The following SHC2 variants were observed in gnomAD, a reference collection of about 807,000 sequenced individuals.
The protein encoded by SHC2 is SHC adaptor protein 2.
In SHC2, 62 loss-of-function variants were observed where a neutral mutation model predicts 60.6. That is an observed-to-expected ratio of 1.02 (90% CI 0.83 to 1.26). The LOEUF is 1.26. Among genes scored for constraint, SHC2 ranks in the 50% most tolerant of loss-of-function variants. SHC2 has a pLI of 0.00. For missense variants in SHC2, 873 were observed against 822.2 expected (o/e 1.06, Z -0.76); for synonymous variants, 375 against 372.4 (o/e 1.01, Z -0.08).
In SHC2 at chr19:438,783, C is replaced by CA; in HGVS notation, c.654_655insT (p.Gly219TrpfsTer11). The CA allele has an allele frequency of 1.3e-6, 2 of 1,576,220 alleles. No individual in the cohort carries two copies. The highest frequency in any genetic ancestry group is 1.7e-6 in the Non-Finnish European group (2 of 1,162,322). ...GAGATGTGGATGGAGATGCTCATGC[C>CA]GGCAAAGCGAAGGTTGCTCTTGCCC... On this transcript the variant is annotated frameshift_variant, in exon 4 of 13. Transcript: ENST00000264554. LOFTEE classifies it high-confidence loss of function. This position sits in a 1 kb window ranked among gnomAD's most constrained non-coding sequence, Gnocchi z 5.0.
In SHC2 at chr19:428,210, G is replaced by A. The variant is rs545134498; in HGVS notation, c.1174+2474C>T. On this transcript the variant is annotated intron_variant, in intron 9 of 12. Transcript: ENST00000264554. Reference sequence around the variant, plus strand: ...ACTGCCCTCCAACCTGGGCGACAAAGCAAGACGTCTCAAAAACAAAAAGCC... The same window carrying A: ...ACTGCCCTCCAACCTGGGCGACAAAACAAGACGTCTCAAAAACAAAAAGCC... Among the ~76,000 whole-genome samples, 4 of 152,330 alleles carry A rather than the reference G, an allele frequency of 2.6e-5. No individual in the cohort carries two copies. The South Asian group carries it at 6.2e-4, about 24-fold the overall frequency.
intron 9 of SHC2, among the ~76,000 whole-genome samples, chr19:427,822 A>T (rs1263944047): frequency 3.9e-5 from 4 of 102,544 alleles, no homozygotes; most frequent in South Asian, 9.4e-4. Flanking sequence ...AGGGGGCGGC[A>T]CAGGGAAGGG....
Position 440,731 on chromosome 19 carries a change from G to A in SHC2, c.539+131C>T. The A allele has an allele frequency of 1.3e-6, 1 of 748,998 alleles. No homozygotes were observed. The highest frequency in any genetic ancestry group is 2.3e-6 in the Non-Finnish European group (1 of 431,570). 46.4% of individuals were successfully genotyped at this position (748,998 alleles called of 1,614,324 possible). A position where few individuals can be genotyped will look rare whatever the true frequency, so the allele number is the denominator to read the frequency against. ...ACGTGGCGTGAAGTGGGAGGGAGGT[G>A]GGGGGCACCGAGGCTGCGTCCTGGG... On this transcript the variant is annotated intron_variant, in intron 2 of 12. Coordinates refer to ENST00000264554, the MANE Select transcript of SHC2 (RefSeq NM_012435.3). This position sits in a 1 kb window ranked among gnomAD's most constrained non-coding sequence, Gnocchi z 7.0.
Position 425,795 on chromosome 19 carries a change from G to A in SHC2, c.1175-564C>T, listed in dbSNP as rs988932975. ...TGTAATCCCAGCACTTTGGGAGGCC[G>A]AGGTGGGTGAATCATTTGAGGTCAG... On this transcript the variant is annotated intron_variant, in intron 9 of 12. Transcript: ENST00000264554. This position sits in a 1 kb window ranked among gnomAD's most constrained non-coding sequence, Gnocchi z 4.1. Among the ~76,000 whole-genome samples, 1 of 152,106 alleles carries A rather than the reference G, an allele frequency of 6.6e-6. No individual in the cohort carries two copies. The highest frequency in any genetic ancestry group is 1.5e-5 in the Non-Finnish European group (1 of 68,000).
rs1459228936 is a variant in SHC2, at chr19:422,358, TA to T, written c.1407del (p.Thr470ProfsTer23). The T allele has an allele frequency of 6.9e-6, 11 of 1,604,246 alleles. No homozygotes were observed. The highest frequency in any genetic ancestry group is 7.7e-6 in the Non-Finnish European group (9 of 1,176,342). On this transcript the variant is annotated frameshift_variant, in exon 11 of 13. Transcript: ENST00000264554. LOFTEE classifies it high-confidence loss of function. This position sits in a 1 kb window ranked among gnomAD's most constrained non-coding sequence, Gnocchi z 5.0. ...GTGGGGGCCACAGGGGCCCGGCGGG[TA>T]GGGGGGCTGGGCCACTGGTCCTCCA... is the stretch of plus-strand genomic sequence containing the variant. ...LPLEDQWPSP[P>X]TRRAPVAPTE... is the part of the protein sequence containing the mutation.
chr19:440,991 C>A lies in SHC2; in HGVS notation c.469-59G>T, dbSNP rs1039381926. The A allele has an allele frequency of 3.2e-5, 50 of 1,565,752 alleles. No homozygotes were observed. The highest frequency in any genetic ancestry group is 4.0e-5 in the Non-Finnish European group (45 of 1,138,180). ...GAACCCCCGCAGTGGAGCCACGTCC[C>A]TTTTCCCAGCAGCCCTTCGCCGCCT... is the stretch of plus-strand genomic sequence containing the variant. On this transcript the variant is annotated intron_variant, in intron 1 of 12. Coordinates refer to ENST00000264554, the MANE Select transcript of SHC2 (RefSeq NM_012435.3). This position sits in a 1 kb window ranked among gnomAD's most constrained non-coding sequence, Gnocchi z 7.0.
At chr19:434,252 A>C (rs202182696) in intron 8 of SHC2, among the ~76,000 whole-genome samples, 7 of 3,004 alleles carry the variant, frequency 2.3e-3, no homozygotes, top group Non-Finnish European at 4.3e-3. Flanking sequence ...GAGTGAGATC[A>C]TGAGTGAGTG....
chr19:458,237 G>C (rs1167219848), intron 1 of SHC2, among the ~76,000 whole-genome samples: 11 of 116,006 alleles, frequency 9.5e-5, no homozygotes, highest in South Asian at 5.6e-4. Context: ...CCGGCGGAGG[G>C]GGAAGTGGGT....
In SHC2 at chr19:438,467, C is replaced by T. The variant is rs923205352; in HGVS notation, c.720+251G>A. Among the ~76,000 whole-genome samples, 15 of 152,150 alleles carry T rather than the reference C, an allele frequency of 9.9e-5. No individual in the cohort carries two copies. Among genetic ancestry groups the T allele is most frequent in the East Asian group, 1.9e-4 (1 of 5,198 alleles). On this transcript the variant is annotated intron_variant, in intron 4 of 12. Coordinates refer to ENST00000264554, the MANE Select transcript of SHC2 (RefSeq NM_012435.3). This position sits in a 1 kb window ranked among gnomAD's most constrained non-coding sequence, Gnocchi z 5.0. ...CTGGCCCCTGCAGGGTGCTGAGCAG[C>T]GTCCCTGCCCCCACCCACTCCATGC...
chr19:430,674 C>A lies in SHC2; in HGVS notation c.1174+10G>T. The A allele has an allele frequency of 1.2e-6, 2 of 1,611,974 alleles. No individual in the cohort carries two copies. The highest frequency in any genetic ancestry group is 8.5e-7 in the Non-Finnish European group (1 of 1,179,282). ...TCGTGGGTACCCCTTGCAGCCCCAG[C>A]CCATCCTACCTGTACCGGTGGACCC... On this transcript the variant is annotated intron_variant, in intron 9 of 12. Coordinates refer to ENST00000264554, the MANE Select transcript of SHC2 (RefSeq NM_012435.3).
Position 434,839 on chromosome 19 carries a change from C to G in SHC2, c.980G>C (p.Trp327Ser). The change falls in exon 8 of 13, where the codon TGG becomes TCG. Residue 327 changes from tryptophan (W) to serine (S), a missense_variant. Transcript: ENST00000264554. ...CTCCAAAGAGTCCTCCTCGTCCCCC[C>G]AGGCCGACTCCTCCGGCCCTGCCAG... is the stretch of plus-strand genomic sequence containing the variant. Reference protein sequence around the residue: ...ERLAGPEESAWGDEEDSLEHN... With the variant: ...ERLAGPEESASGDEEDSLEHN... 6.2e-7 allele frequency: 1 copy of G among 1,611,986 alleles called. No individual in the cohort carries two copies.
rs761359092 is a variant in SHC2, at chr19:436,296, G to A, written c.827-5C>T. The A allele has an allele frequency of 1.4e-5, 22 of 1,588,200 alleles. No individual in the cohort carries two copies. Among genetic ancestry groups the A allele is most frequent in the Admixed American group, 5.4e-5 (3 of 55,900 alleles). ...AGCACTCCAGGATGTGGCAGGCTGC[G>A]GGCACGTTGGTCATGCAGCCTCCGA... is the stretch of plus-strand genomic sequence containing the variant. On this transcript the variant is annotated splice_polypyrimidine_tract_variant and splice_region_variant and intron_variant, in intron 6 of 12. Transcript: ENST00000264554.
intron 1 of SHC2, among the ~76,000 whole-genome samples, chr19:454,200 C>T (rs188870040): frequency 3.9e-5 from 6 of 152,348 alleles, no homozygotes; most frequent in African/African-American, 1.2e-4. Context: ...GGCCACACCT[C>T]GAGGCCCAGC....
At chr19:420,488 G>A (rs185595619) in intron 11 of SHC2, among the ~76,000 whole-genome samples, 5 of 152,304 alleles carry the variant, frequency 3.3e-5, no homozygotes, top group African/African-American at 9.6e-5. Flanking sequence ...GCCCTCGGAC[G>A]CTCAAAACGC....
chr19:430,611 G>A (rs749821093), intron 9 of SHC2, 73 bp downstream of exon 9: 14 of 1,197,252 alleles, frequency 1.2e-5, no homozygotes, highest in Admixed American at 2.1e-5. Flanking sequence ...GACTGAGGGG[G>A]AGCCAGCACA....
At chr19:436,477 G>T in intron 5 of SHC2, 46 bp from the exon 6 acceptor site, 1 of 1,600,660 alleles carries the variant, frequency 6.2e-7, no homozygotes, top group Non-Finnish European at 8.5e-7. Context: ...GCCCCCCACC[G>T]GGATTCCCAG....
intron 1 of SHC2, among the ~76,000 whole-genome samples, chr19:457,847 T>C (rs926354891): frequency 6.6e-6 from 1 of 152,224 alleles, no homozygotes; most frequent in Non-Finnish European, 1.5e-5. Context: ...GTTAAACTTG[T>C]AGGACAAACC....
chr19:431,123 G>A lies in SHC2; in HGVS notation c.1111-376C>T, dbSNP rs536492023. Among the ~76,000 whole-genome samples the A allele has an allele frequency of 2.8e-4, 43 of 152,360 alleles. No individual in the cohort carries two copies. In the South Asian group the frequency reaches 8.3e-3, roughly 29 times the overall value. On this transcript the variant is annotated intron_variant, in intron 8 of 12. Coordinates refer to ENST00000264554, the MANE Select transcript of SHC2 (RefSeq NM_012435.3). ...CTCCGGACCGCCCTACAGAGTGTAT[G>A]TCCCCATGGACATCCTCACTGCCTC...
chr19:444,085 A>AG (rs1974994027), intron 1 of SHC2, among the ~76,000 whole-genome samples: 1 of 118,390 alleles, frequency 8.4e-6, no homozygotes, highest in South Asian at 3.4e-4. Context: ...GGATGGATGG[A>AG]GGGTGGATGG....
Sources: allele counts gnomAD v4.1 joint callset (sites outside exome capture counted in the v4.1 genomes callset), GRCh38; gene constraint gnomAD v4.1.1; non-coding constraint Gnocchi (gnomAD v3.1); transcripts MANE v1.5; gene names NCBI Gene and HGNC (gene_info 2026-07-23, HGNC 2026-07-21).